CDKN2A: variants seen among roughly 807,000 people sequenced by gnomAD.
CDKN2A encodes the protein cyclin-dependent kinase inhibitor 2A.
A neutral mutation model predicts 11.1 loss-of-function variants in CDKN2A; 3 were observed. That is an observed-to-expected ratio of 0.27 (90% CI 0.12 to 0.70). The LOEUF is 0.70. CDKN2A is among the 30% of genes least tolerant of loss of function. The pLI is 0.77. For missense variants in CDKN2A, 265 were observed against 233.6 expected, an observed-to-expected ratio of 1.13 and a Z score of -0.88; for synonymous variants, 122 against 108.1, an observed-to-expected ratio of 1.13 and a Z score of -0.80.
chr9:21,978,181 T>C (rs1463839262), upstream of CDKN2A, among the ~76,000 whole-genome samples: 1 of 150,588 alleles, frequency 6.6e-6, no homozygotes, highest in Non-Finnish European at 1.5e-5. Context: ...GATGAGTTGA[T>C]GGGTGCAGCA....
chr9:21,980,365 C>T (rs1820142155), intron 2 of CDKN2A, among the ~76,000 whole-genome samples: 1 of 152,054 alleles, frequency 6.6e-6, no homozygotes, highest in Non-Finnish European at 1.5e-5. Flanking sequence ...ACAGGAAAAG[C>T]TGTTACCTGT....
chr9:21,985,677 T>C (rs942920957), intron 2 of CDKN2A, among the ~76,000 whole-genome samples: 14 of 151,866 alleles, frequency 9.2e-5, no homozygotes, highest in Admixed American at 8.5e-4. Flanking sequence ...AAAACAGGGG[T>C]TCACAAACAC....
At position 21,974,366 on chromosome 9, in the gene CDKN2A, C is replaced by A; in HGVS notation, c.150+312G>T. ...TTTCTTTAAGACTCCCTTTTTATCC[C>A]AAACGTTCGTAAATTTTGTATCTGA... On this transcript the variant is annotated intron_variant, in intron 1 of 2. Transcript: ENST00000304494. The surrounding 1 kb of genome is among the most constrained non-coding windows in gnomAD (Gnocchi z 5.2). 1 of 1,521,002 alleles carries A rather than the reference C, an allele frequency of 6.6e-7. No homozygotes were observed. The highest frequency in any genetic ancestry group is 8.9e-7 in the Non-Finnish European group (1 of 1,128,772). 94.2% of individuals were successfully genotyped at this position (1,521,002 alleles called of 1,614,324 possible).
intron 2 of CDKN2A, among the ~76,000 whole-genome samples, chr9:21,980,859 T>G: frequency 6.8e-6 from 1 of 146,818 alleles, no homozygotes; most frequent in Non-Finnish European, 1.5e-5. Context: ...CTCCGGAGGC[T>G]GAGGAAGGAG....
At chr9:21,971,485 C>G (rs1457151366) in intron 1 of CDKN2A, 2 of 722,670 alleles carry the variant, frequency 2.8e-6, no homozygotes, top group African/African-American at 1.9e-5. Context: ...GGGGCAGGGA[C>G]AGACTGACTT....
rs1186331690 is a variant in CDKN2A, at chr9:21,988,459, A to G, written c.-4+5423T>C. On this transcript the variant is annotated intron_variant, in intron 2 of 3. Transcript: ENST00000494262. The surrounding 1 kb of genome is among the most constrained non-coding windows in gnomAD (Gnocchi z 4.1). The stretch of plus-strand genomic sequence containing the variant: ...GATTGTAGAGTTCTGCCCAAATGAA[A>G]CCATCATTCCAGGGCTCATGAATTA... Among the ~76,000 whole-genome samples the G allele has an allele frequency of 3.3e-5, 5 of 152,054 alleles. No homozygotes were observed. Among genetic ancestry groups the G allele is most frequent in the Admixed American group, 6.5e-5 (1 of 15,270 alleles).
At chr9:21,975,016 G>C (rs1457391727), upstream of CDKN2A, 2 of 1,384,464 alleles carry the variant, frequency 1.4e-6, no homozygotes, top group Non-Finnish European at 1.9e-6. Context: ...GCAAGGGGAC[G>C]CCGTGAGCGA....
intron 1 of CDKN2A, among the ~76,000 whole-genome samples, chr9:21,972,928 T>C (rs538426960): frequency 6.6e-4 from 100 of 152,306 alleles, no homozygotes; most frequent in Non-Finnish European, 1.2e-3. Context: ...TAAACACAAA[T>C]TGCATAATTT....
intron 2 of CDKN2A, chr9:21,969,624 G>C (rs1299807151): frequency 7.6e-6 from 3 of 393,408 alleles, no homozygotes; most frequent in Non-Finnish European, 1.3e-5. Context: ...TTTGCTTGTG[G>C]CCCAATTCAG....
At chr9:21,970,823 G>A in intron 2 of CDKN2A, 79 bp downstream of exon 2, 3 of 1,565,390 alleles carry the variant, frequency 1.9e-6, no homozygotes, top group Non-Finnish European at 2.6e-6. Context: ...CTCCCGGGCT[G>A]AACTTTCTGT....
Position 21,968,731 on chromosome 9 carries a change from A to C in CDKN2A, c.458-489T>G. 6.5e-7 allele frequency: 1 copy of C among 1,536,048 alleles called. No individual in the cohort carries two copies. On this transcript the variant is annotated intron_variant, in intron 2 of 2. Transcript: ENST00000304494. The surrounding 1 kb of genome is among the most constrained non-coding windows in gnomAD (Gnocchi z 4.7). Reference sequence around the variant, plus strand: ...GCGGAATCCCGTAGCTTCCCTACGCATGCCTGCTTCTACAAACCCACAAAT... The same window carrying C: ...GCGGAATCCCGTAGCTTCCCTACGCCTGCCTGCTTCTACAAACCCACAAAT...
At chr9:21,978,084 T>C (rs2131121025), upstream of CDKN2A, among the ~76,000 whole-genome samples, 1 of 135,892 alleles carries the variant, frequency 7.4e-6, no homozygotes, top group African/African-American at 2.8e-5. Context: ...CATTTTGCTC[T>C]AGAAATTGAA....
upstream of CDKN2A, among the ~76,000 whole-genome samples, chr9:21,979,047 T>C (rs1248893186): frequency 6.6e-6 from 1 of 152,220 alleles, no homozygotes; most frequent in Non-Finnish European, 1.5e-5. Flanking sequence ...AAACTCATTC[T>C]CATTTGTCTC....
At position 21,971,120 on chromosome 9, in the gene CDKN2A, C is replaced by G. The variant is rs1057519883; in HGVS notation, c.239G>C (p.Arg80Pro). 1 of 1,603,920 alleles carries G rather than the reference C, an allele frequency of 6.2e-7. No homozygotes were observed. The highest frequency in any genetic ancestry group is 1.3e-5 in the African/African-American group (1 of 74,888). The part of the protein sequence containing the change: ...PNCADPATLT[R>P]PVHDAAREGF... ...CTCCCGGGCAGCGTCGTGCACGGGT[C>G]GGGTGAGAGTGGCGGGGTCGGCGCA... Residue 80 changes from arginine (R) to proline (P), a missense_variant, in exon 2 of 3, where the codon CGA (arginine) becomes CCA (proline). Physicochemically the swap from Arg to Pro is moderately radical, Grantham distance 103 (BLOSUM62 -2). Transcript: ENST00000304494.
chr9:21,994,837 C>G (rs1035384419), exon 1 of CDKN2A: 1 of 165,902 alleles, frequency 6.0e-6, no homozygotes, highest in Non-Finnish European at 1.3e-5. Flanking sequence ...CAGCCGCGCT[C>G]CCGCGGATTC....
chr9:21,979,540 C>T (rs1198255019), upstream of CDKN2A, among the ~76,000 whole-genome samples: 2 of 152,126 alleles, frequency 1.3e-5, no homozygotes, highest in African/African-American at 4.8e-5. Flanking sequence ...ACTCAAAGTA[C>T]AGCGGTGGTT....
chr9:21,968,340 A>G lies in CDKN2A; in HGVS notation c.458-98T>C. 2 of 1,532,416 alleles carry G rather than the reference A, an allele frequency of 1.3e-6. No homozygotes were observed. Among genetic ancestry groups the G allele is most frequent in the Non-Finnish European group, 1.8e-6 (2 of 1,114,206 alleles). 94.9% of individuals were successfully genotyped at this position (1,532,416 alleles called of 1,614,324 possible). A position where few individuals can be genotyped will look rare whatever the true frequency, so the allele number is the denominator to read the frequency against. On this transcript the variant is annotated intron_variant, in intron 2 of 2. Transcript: ENST00000304494. This position sits in a 1 kb window ranked among gnomAD's most constrained non-coding sequence, Gnocchi z 4.7. ...TCTTGCCGTCCCTACCGGCATTGAA[A>G]TACTTATGGATAAAGTTCTCGCAAT...
At chr9:21,971,479 C>CAGG (rs1393043147) in intron 1 of CDKN2A, 1 of 774,194 alleles carries the variant, frequency 1.3e-6, no homozygotes, top group East Asian at 3.0e-5. Context: ...AGCAAAGGGG[C>CAGG]AGGGACAGAC....
intron 2 of CDKN2A, among the ~76,000 whole-genome samples, chr9:21,990,648 G>GAGAGAGAGAA (rs1261600637): frequency 2.0e-5 from 3 of 149,372 alleles, no homozygotes; most frequent in African/African-American, 7.6e-5. Context: ...GAGAGAGAGA[G>GAGAGAGAGAA]AGAAACTGTT....
Sources: allele counts gnomAD v4.1 joint callset (sites outside exome capture counted in the v4.1 genomes callset), GRCh38; gene constraint gnomAD v4.1.1; non-coding constraint Gnocchi (gnomAD v3.1); transcripts MANE v1.5; gene names NCBI Gene and HGNC (gene_info 2026-07-23, HGNC 2026-07-21).